The following KHDRBS2 variants were observed in gnomAD, a reference collection of about 807,000 sequenced individuals.
KHDRBS2 encodes the protein KH RNA binding domain containing, signal transduction associated 2, also known as KH domain-containing, RNA-binding, signal transduction-associated protein 2.
In KHDRBS2, 26 loss-of-function variants were observed where a neutral mutation model predicts 44.3. That is an observed-to-expected ratio of 0.59 (90% confidence interval 0.43 to 0.81). KHDRBS2 has a LOEUF of 0.81. KHDRBS2 is among the 40% of genes least tolerant of loss of function. The pLI is 0.00. For missense variants in KHDRBS2, 476 were observed against 433.1 expected (o/e 1.10, Z -0.88); for synonymous variants, 194 against 151.1 (o/e 1.28, Z -2.08).
chr6:61,760,929 G>T (rs1244386658), intron 6 of KHDRBS2, among the ~76,000 whole-genome samples: 1 of 152,156 alleles, frequency 6.6e-6, no homozygotes, highest in Non-Finnish European at 1.5e-5. Flanking sequence ...GAGAGGAAAA[G>T]ATTACTGCTT....
At chr6:62,212,965 G>A (rs1829339028) in intron 1 of KHDRBS2, among the ~76,000 whole-genome samples, 1 of 152,056 alleles carries the variant, frequency 6.6e-6, no homozygotes, top group Admixed American at 6.5e-5. Flanking sequence ...TTAGATATAT[G>A]AATAAAGTGA....
the KHDRBS2 span, among the ~76,000 whole-genome samples, chr6:61,588,783 C>A: frequency 6.6e-6 from 1 of 151,872 alleles, no homozygotes; most frequent in East Asian, 1.9e-4. Flanking sequence ...CAGGGCAAGA[C>A]CCTGTCTCAA....
At chr6:61,954,448 CGTAT>C (rs377574932) in intron 4 of KHDRBS2, among the ~76,000 whole-genome samples, 36 of 106,556 alleles carry the variant, frequency 3.4e-4, no homozygotes, top group East Asian at 8.4e-4. Context: ...TACATATATA[CGTAT>C]GTATGTATGT....
In KHDRBS2 at chr6:61,697,269, A is replaced by T. The variant is rs1463259481; in HGVS notation, c.894-16T>A. 23 of 1,529,410 alleles carry T rather than the reference A, an allele frequency of 1.5e-5. No homozygotes were observed. The highest frequency in any genetic ancestry group is 9.1e-7 in the Non-Finnish European group (1 of 1,103,348). 94.7% of individuals were successfully genotyped at this position (1,529,410 alleles called of 1,614,324 possible). A position where few individuals can be genotyped will look rare whatever the true frequency, so the allele number is the denominator to read the frequency against. On this transcript the variant is annotated splice_polypyrimidine_tract_variant and intron_variant, in intron 7 of 8. Transcript: ENST00000281156. ...TTCAGGCACACTGCAACAAATTTAGATAGCAATCAATGTTACTATAACCAG... is the reference window on the plus strand; with the variant it reads ...TTCAGGCACACTGCAACAAATTTAGTTAGCAATCAATGTTACTATAACCAG...
At chr6:62,032,663 G>A (rs1784571050) in intron 3 of KHDRBS2, among the ~76,000 whole-genome samples, 1 of 151,664 alleles carries the variant, frequency 6.6e-6, no homozygotes, top group Non-Finnish European at 1.5e-5. Flanking sequence ...CAGGGCTTGG[G>A]GTACCCACAA....
chr6:61,924,391 C>T (rs557136508), intron 4 of KHDRBS2, among the ~76,000 whole-genome samples: 1 of 152,164 alleles, frequency 6.6e-6, no homozygotes, highest in East Asian at 1.9e-4. Flanking sequence ...ACAGTAGTGA[C>T]TGTTTCACAG....
At chr6:61,718,445 T>G (rs1771804463) in intron 7 of KHDRBS2, among the ~76,000 whole-genome samples, 1 of 152,096 alleles carries the variant, frequency 6.6e-6, no homozygotes, top group South Asian at 2.1e-4. Flanking sequence ...TATTGAAGTG[T>G]GATAAAAATT....
rs75508397 is a variant in KHDRBS2, at chr6:62,205,684, A to G, written c.92-28372T>C. 4.7e-4 allele frequency among the ~76,000 whole-genome samples: 71 copies of G among 152,214 alleles called. 1 individual carries two copies. Among genetic ancestry groups the G allele is most frequent in the African/African-American group, 1.7e-3 (71 of 41,564 alleles). ...AGGGTGAGGCAAAAATTAATGAAAA[A>G]TAAGACAGGATGAAGACAGGTTTCC... On this transcript the variant is annotated intron_variant, in intron 1 of 8. Coordinates refer to ENST00000281156, the MANE Select transcript of KHDRBS2 (RefSeq NM_152688.4).
chr6:61,606,130 T>C, the KHDRBS2 span, among the ~76,000 whole-genome samples: 5 of 152,058 alleles, frequency 3.3e-5, no homozygotes, highest in Admixed American at 6.6e-5. Flanking sequence ...CCACTACCCA[T>C]CCAAATCTTA....
At chr6:62,272,035 T>A (rs1269779377) in intron 1 of KHDRBS2, among the ~76,000 whole-genome samples, 2 of 152,190 alleles carry the variant, frequency 1.3e-5, no homozygotes, top group Admixed American at 6.5e-5. Context: ...GCAAGCTCCA[T>A]TCATGGTAAA....
chr6:61,555,112 T>G, the KHDRBS2 span, among the ~76,000 whole-genome samples: 122,132 of 152,040 alleles, frequency 0.8, 49,495 homozygotes, highest in African/African-American at 0.9. Flanking sequence ...CAAGTTGTTT[T>G]CTTTCTCTTC....
At chr6:61,938,373 G>A (rs1350025384) in intron 4 of KHDRBS2, among the ~76,000 whole-genome samples, 1 of 152,070 alleles carries the variant, frequency 6.6e-6, no homozygotes, top group Non-Finnish European at 1.5e-5. Flanking sequence ...CCAGTTAAAA[G>A]AAACAGGATA....
intron 6 of KHDRBS2, among the ~76,000 whole-genome samples, chr6:61,758,025 C>T (rs981629147): frequency 3.3e-5 from 5 of 152,088 alleles, no homozygotes; most frequent in African/African-American, 7.2e-5. Flanking sequence ...TCTCCTTGTG[C>T]ATCTCTCTCC....
intron 1 of KHDRBS2, among the ~76,000 whole-genome samples, chr6:62,192,102 T>G (rs1824748612): frequency 1.3e-5 from 2 of 152,032 alleles, no homozygotes; most frequent in South Asian, 4.1e-4. Flanking sequence ...TGTAAAATAT[T>G]AGAAAATAAG....
At chr6:61,612,695 G>C in the KHDRBS2 span, among the ~76,000 whole-genome samples, 1 of 152,044 alleles carries the variant, frequency 6.6e-6, no homozygotes, top group Non-Finnish European at 1.5e-5. Context: ...TTAATTTATG[G>C]ACAAGAATAT....
intron 4 of KHDRBS2, among the ~76,000 whole-genome samples, chr6:61,954,295 A>G (rs1285192550): frequency 1.3e-5 from 2 of 151,670 alleles, no homozygotes; most frequent in East Asian, 2.0e-4. Context: ...GTCTACATAT[A>G]CACATATATA....
At chr6:61,553,434 A>G in the KHDRBS2 span, among the ~76,000 whole-genome samples, 1 of 151,056 alleles carries the variant, frequency 6.6e-6, no homozygotes, top group South Asian at 2.1e-4. Flanking sequence ...TATCCTATTT[A>G]TTTCTTCAGA....
intron 7 of KHDRBS2, among the ~76,000 whole-genome samples, chr6:61,711,356 C>T (rs1435732547): frequency 6.6e-6 from 1 of 151,606 alleles, no homozygotes; most frequent in Admixed American, 6.6e-5. Context: ...GGAAGTATAA[C>T]TAGTATCCTG....
intron 7 of KHDRBS2, among the ~76,000 whole-genome samples, chr6:61,702,909 G>A (rs1011725769): frequency 1.5e-4 from 23 of 151,798 alleles, no homozygotes; most frequent in Non-Finnish European, 4.4e-5. Context: ...TATATTTTGA[G>A]TCAATGCAGC....
Sources: gnomAD v4.1 joint callset for allele counts (sites outside exome capture counted in the v4.1 genomes callset) on GRCh38, gnomAD v4.1.1 for gene constraint, MANE v1.5 for transcripts, NCBI Gene and HGNC (gene_info 2026-07-23, HGNC 2026-07-21) for gene names.